DNAH5: variants seen among roughly 807,000 people sequenced by gnomAD.
DNAH5 encodes axonemal beta dynein heavy chain 5.
Under a neutral mutation model 518.2 loss-of-function variants are expected in DNAH5, and 372 were observed. The observed-to-expected ratio is 0.72, with a 90% CI of 0.66 to 0.78. The LOEUF (loss-of-function observed/expected upper bound fraction) is 0.78, where lower values mean the gene tolerates loss of function less well. Among genes scored for constraint, DNAH5 ranks in the 30% least tolerant of loss-of-function variants. DNAH5 has a pLI of 0.00. For missense variants in DNAH5, 5,523 were observed against 5,687.0 expected (o/e 0.97, Z 0.93); for synonymous variants, 2,039 against 2,025.9 (o/e 1.01, Z -0.17).
chr5:13,742,757 C>T (rs1232646209), intron 65 of DNAH5, among the ~76,000 whole-genome samples: 2 of 152,006 alleles, frequency 1.3e-5, no homozygotes, highest in African/African-American at 4.8e-5. Flanking sequence ...AATCTAAGTA[C>T]ATTTCCCCAA....
At chr5:13,753,139 T>C in intron 63 of DNAH5, 94 bp downstream of exon 63, 1 of 893,022 alleles carries the variant, frequency 1.1e-6, no homozygotes, top group Admixed American at 1.9e-5. Context: ...AAAACATCTC[T>C]AGTGTTTTCA....
chr5:13,786,791 G>A (rs1323927047), intron 51 of DNAH5, among the ~76,000 whole-genome samples: 1 of 151,986 alleles, frequency 6.6e-6, no homozygotes, highest in African/African-American at 2.4e-5. Context: ...TCAGGTCAGT[G>A]GTAAAAATAG....
At chr5:13,951,207 C>CT (rs1780373361) in intron 1 of DNAH5, among the ~76,000 whole-genome samples, 2 of 60,166 alleles carry the variant, frequency 3.3e-5, no homozygotes, top group South Asian at 6.3e-4. Context: ...TTGTTTTTTT[C>CT]GTTTTTTTTT....
Position 13,844,937 on chromosome 5 carries a change from G to A in DNAH5, c.5171C>T (p.Ala1724Val), listed in dbSNP as rs1354561021. 5.6e-6 allele frequency: 9 copies of A among 1,614,020 alleles called. No homozygotes were observed. Among genetic ancestry groups the A allele is most frequent in the Non-Finnish European group, 7.6e-6 (9 of 1,180,022 alleles). The stretch of plus-strand genomic sequence containing the variant: ...CGCCTGCCCCAGAATCTCTAGAAGG[G>A]CAGGATCTGAGACGAAGAAAAACCG... ...FPRFFFVSDP[A>V]LLEILGQASD... The change falls in exon 32 of 79, where the codon GCC becomes GTC. Residue 1724 changes from alanine (A) to valine (V), a missense_variant. Physicochemically the swap from Ala to Val is moderately conservative, Grantham distance 64. Around this residue, in one of 3 missense-constraint regions of DNAH5, gnomAD observed 5,121 missense variants for 5,223.3 expected, o/e 0.98. Coordinates refer to ENST00000265104, the MANE Select transcript of DNAH5 (RefSeq NM_001369.3).
rs370287411 is a variant in DNAH5, at chr5:13,732,611, T to G, written c.11761+2520A>C. Among the ~76,000 whole-genome samples, 17 of 152,148 alleles carry G rather than the reference T, an allele frequency of 1.1e-4. No homozygotes were observed. The East Asian group carries it at 1.5e-3, about 14-fold the overall frequency. The stretch of plus-strand genomic sequence containing the variant: ...CTTGAACTCCTGACCTCAAGTGATC[T>G]GACCACCTCAGCCTTCCAAAGTGCT... On this transcript the variant is annotated intron_variant, in intron 68 of 78. Coordinates refer to ENST00000265104, the MANE Select transcript of DNAH5 (RefSeq NM_001369.3).
rs1760755766 is a variant in DNAH5, at chr5:13,811,787, T to C, written c.7267A>G (p.Ile2423Val). 1 of 1,614,172 alleles carries C rather than the reference T, an allele frequency of 6.2e-7. No individual in the cohort carries two copies. The highest frequency in any genetic ancestry group is 2.2e-5 in the East Asian group (1 of 44,874). The change falls in exon 44 of 79, where the codon ATT becomes GTT. Residue 2423 changes from isoleucine (I) to valine (V), a missense_variant. By Grantham distance (29) the Ile-to-Val change is conservative. Around this residue, in one of 3 missense-constraint regions of DNAH5, gnomAD observed 5,121 missense variants for 5,223.3 expected, o/e 0.98. Transcript: ENST00000265104. ...GACTCGGTGTACAGCTGACGAAGAA[T>C]TTCTGCTTCTTGAGGTGAGCGTTTC... The part of the protein sequence containing the change: ...LKKRSPQEAE[I>V]LRQLYTESFP...
chr5:13,850,789 A>T lies in DNAH5; in HGVS notation c.4977T>A (p.Asp1659Glu), dbSNP rs968463472. Reference protein sequence around the residue: ...PKEAKRFSNIDKSWVKIMTRA... With the variant: ...PKEAKRFSNIEKSWVKIMTRA... The stretch of plus-strand genomic sequence containing the variant: ...GAGTCATGATCTTCACCCAAGATTT[A>T]TCTATGTTAGAAAACCGCTTGGCTT... The change falls in exon 31 of 79, where the codon GAT becomes GAA. Residue 1659 changes from aspartate to glutamate, a missense_variant. Coordinates refer to ENST00000265104, the MANE Select transcript of DNAH5 (RefSeq NM_001369.3). 2 of 1,614,202 alleles carry T rather than the reference A, an allele frequency of 1.2e-6. No homozygotes were observed. The highest frequency in any genetic ancestry group is 1.3e-5 in the African/African-American group (1 of 75,060).
chr5:13,717,523 G>C lies in DNAH5; in HGVS notation c.12500-3C>G. The C allele has an allele frequency of 6.2e-7, 1 of 1,612,918 alleles. No homozygotes were observed. Among genetic ancestry groups the C allele is most frequent in the Non-Finnish European group, 8.5e-7 (1 of 1,178,974 alleles). The stretch of plus-strand genomic sequence containing the variant: ...GTCCAGCAGGTCTTGGCTGACACCT[G>C]TTGTGGTCAGTTGGGTGAAAAATGT... On this transcript the variant is annotated splice_region_variant and splice_polypyrimidine_tract_variant and intron_variant, in intron 72 of 78. Coordinates refer to ENST00000265104, the MANE Select transcript of DNAH5 (RefSeq NM_001369.3).
At chr5:13,922,349 C>T in intron 4 of DNAH5, 21 bp from the exon 5 acceptor site, 1 of 1,599,076 alleles carries the variant, frequency 6.3e-7, no homozygotes, top group Non-Finnish European at 8.5e-7. Flanking sequence ...GGCAGGAGAT[C>T]TTTTATTGTA....
At chr5:13,813,470 A>AC (rs1375744537) in intron 43 of DNAH5, among the ~76,000 whole-genome samples, 5 of 151,574 alleles carry the variant, frequency 3.3e-5, no homozygotes, top group African/African-American at 1.2e-4. Context: ...AAAAAAAAAA[A>AC]AAACAATCCT....
At chr5:13,734,344 T>C (rs1001022008) in intron 68 of DNAH5, among the ~76,000 whole-genome samples, 2 of 152,198 alleles carry the variant, frequency 1.3e-5, no homozygotes, top group Non-Finnish European at 2.9e-5. Flanking sequence ...CTTATAGCAT[T>C]GAGAACTAAG....
chr5:13,929,707 C>T (rs1242732859), intron 2 of DNAH5, among the ~76,000 whole-genome samples: 1 of 152,174 alleles, frequency 6.6e-6, no homozygotes, highest in African/African-American at 2.4e-5. Context: ...CCCCTCTGTG[C>T]TTGAGAGCCT....
rs181425184 is a variant in DNAH5 at position 13,793,802 on chromosome 5, A to G, written c.8011-74T>C. The G allele has an allele frequency of 1.9e-6, 3 of 1,578,204 alleles. No individual in the cohort carries two copies. The African/African-American group carries it at 4.1e-5, about 21-fold the overall frequency. ...GGAGCCTAACTCCTTGAGTGTTTCC[A>G]AAGAAAGAACTTTACTGGAATTCAG... On this transcript the variant is annotated intron_variant, in intron 48 of 78. Coordinates refer to ENST00000265104, the MANE Select transcript of DNAH5 (RefSeq NM_001369.3).
At chr5:13,931,536 C>G (rs1048886409) in intron 1 of DNAH5, among the ~76,000 whole-genome samples, 3 of 152,176 alleles carry the variant, frequency 2.0e-5, no homozygotes, top group African/African-American at 4.8e-5. Context: ...TCTTTACACA[C>G]TTATTTCTAT....
At chr5:13,866,344 C>T in intron 25 of DNAH5, 62 bp from the exon 26 acceptor site, 1 of 1,317,588 alleles carries the variant, frequency 7.6e-7, no homozygotes, top group Non-Finnish European at 1.1e-6. Flanking sequence ...TTCATGAACT[C>T]AATCCATATT....
chr5:14,009,476 C>A (rs886998022), intron 1 of DNAH5, among the ~76,000 whole-genome samples: 1 of 152,188 alleles, frequency 6.6e-6, no homozygotes, highest in Admixed American at 6.5e-5. Context: ...CTTCTATTTG[C>A]TTGAGTGTCT....
At chr5:13,719,132 G>A in intron 71 of DNAH5, 31 bp from the exon 72 acceptor site, 5 of 1,547,892 alleles carry the variant, frequency 3.2e-6, no homozygotes, top group Non-Finnish European at 3.6e-6. Context: ...AAATTAGGTA[G>A]TTTTGTATTT....
intron 69 of DNAH5, among the ~76,000 whole-genome samples, chr5:13,728,677 T>G (rs761815593): frequency 1.3e-5 from 2 of 152,110 alleles, no homozygotes; most frequent in African/African-American, 2.4e-5. Context: ...TAGCAGAACA[T>G]AAGCAAATGG....
chr5:13,800,916 A>G (rs1290521020), intron 47 of DNAH5, among the ~76,000 whole-genome samples: 1 of 151,956 alleles, frequency 6.6e-6, no homozygotes, highest in Non-Finnish European at 1.5e-5. Context: ...GTAAGGAGGG[A>G]AGGCACCTTG....
Sources: allele counts gnomAD v4.1 joint callset (sites outside exome capture counted in the v4.1 genomes callset), GRCh38; gene constraint gnomAD v4.1.1; regional missense constraint gnomAD v4.1.1; transcripts MANE v1.5; gene names NCBI Gene and HGNC (gene_info 2026-07-23, HGNC 2026-07-21).